MYOF: variants seen among roughly 807,000 people sequenced by gnomAD.
The protein encoded by MYOF is fer-1-like 3, myoferlin.
MYOF carries 244 observed loss-of-function variants against 284.2 expected under a neutral mutation model. That is an observed-to-expected ratio of 0.86 (90% CI 0.77 to 0.95). The LOEUF (loss-of-function observed/expected upper bound fraction) is 0.95, where lower values mean the gene tolerates loss of function less well. MYOF is among the 40% of genes least tolerant of loss of function. MYOF has a pLI of 0.00. For synonymous variants in MYOF, 904 were observed against 919.7 expected, an observed-to-expected ratio of 0.98 and a Z score of 0.31; for missense variants, 2,496 against 2,560.6, an observed-to-expected ratio of 0.97 and a Z score of 0.54.
At chr10:93,388,916 C>G in intron 18 of MYOF, 114 bp downstream of exon 18, 1 of 1,347,828 alleles carries the variant, frequency 7.4e-7, no homozygotes, top group East Asian at 2.5e-5. Context: ...TCTTTGCATT[C>G]TAAGTCTTAG....
At chr10:93,331,811 C>G (rs1266842474) in intron 43 of MYOF, among the ~76,000 whole-genome samples, 2 of 152,100 alleles carry the variant, frequency 1.3e-5, no homozygotes, top group African/African-American at 4.8e-5. Context: ...AGGAAAGAAG[C>G]ATATGGGCAA....
At chr10:93,452,307 G>A (rs190852507) in intron 2 of MYOF, among the ~76,000 whole-genome samples, 166 bp from the exon 3 acceptor site, 1 of 152,064 alleles carries the variant, frequency 6.6e-6, no homozygotes, top group Non-Finnish European at 1.5e-5. Flanking sequence ...AGGCAGCTGA[G>A]GGGGCAGGAA....
At chr10:93,408,982 T>C in intron 6 of MYOF, 67 bp from the exon 7 acceptor site, 3 of 1,598,396 alleles carry the variant, frequency 1.9e-6, no homozygotes, top group Non-Finnish European at 1.7e-6. Flanking sequence ...GATCCTCAGG[T>C]GTTGCTTCAT....
chr10:93,469,363 T>C (rs184902058), intron 1 of MYOF, among the ~76,000 whole-genome samples: 32 of 150,924 alleles, frequency 2.1e-4, no homozygotes, highest in Middle Eastern at 3.4e-3. Context: ...ATCATGCCAC[T>C]GAACTCCAGC....
At chr10:93,474,898 C>T (rs991233984) in intron 1 of MYOF, among the ~76,000 whole-genome samples, 2 of 152,110 alleles carry the variant, frequency 1.3e-5, no homozygotes, top group Admixed American at 6.6e-5. Flanking sequence ...AGGTGCCCAC[C>T]ACCATGCCTG....
chr10:93,382,307 C>T (rs966982949), intron 19 of MYOF, among the ~76,000 whole-genome samples: 1 of 151,876 alleles, frequency 6.6e-6, no homozygotes, highest in Non-Finnish European at 1.5e-5. Context: ...GGCATGATCA[C>T]GGCTTACTAC....
At chr10:93,368,775 T>C (rs955592831) in intron 25 of MYOF, among the ~76,000 whole-genome samples, 3 of 152,180 alleles carry the variant, frequency 2.0e-5, no homozygotes, top group Admixed American at 2.0e-4. Flanking sequence ...AGTTGTCAGG[T>C]ATAGCAGTGA....
chr10:93,360,542 G>A (rs1311370487), intron 28 of MYOF, among the ~76,000 whole-genome samples: 3 of 152,176 alleles, frequency 2.0e-5, no homozygotes, highest in Non-Finnish European at 2.9e-5. Context: ...TGTGTGCATC[G>A]AGATCAGTGA....
intron 5 of MYOF, among the ~76,000 whole-genome samples, chr10:93,419,478 TA>T (rs1363439413): frequency 6.6e-6 from 1 of 151,822 alleles, no homozygotes; most frequent in African/African-American, 2.4e-5. Flanking sequence ...ATGCCCTTCT[TA>T]AAAAAAAATT....
chr10:93,481,327 A>G (rs562740997), intron 1 of MYOF, among the ~76,000 whole-genome samples: 5 of 152,098 alleles, frequency 3.3e-5, no homozygotes, highest in Non-Finnish European at 7.3e-5. Context: ...TGGCCTCCCA[A>G]AGTTGGCTCA....
Position 93,379,899 on chromosome 10 carries a change from A to C in MYOF, c.1965T>G (p.Asp655Glu). Residue 655 changes from aspartate to glutamate, a missense_variant, in exon 21 of 54, where the codon GAT (aspartate) becomes GAG (glutamate). Asp to Glu is a conservative substitution (Grantham distance 45). This residue lies in a region of MYOF where 2,436 missense variants were observed against 2,480.7 expected (regional missense o/e 0.98). Coordinates refer to ENST00000359263, the MANE Select transcript of MYOF (RefSeq NM_013451.4). The stretch of plus-strand genomic sequence containing the variant: ...CCATAGCTAGGAGAGTGTTCACCGC[A>C]TCCAGGCGATGACTAATATCCTCCC... ...SYWEDISHRLDAVNTLLAMAE... is the reference protein window; with the variant it reads ...SYWEDISHRLEAVNTLLAMAE... The C allele has an allele frequency of 6.2e-7, 1 of 1,614,174 alleles. No homozygotes were observed. The highest frequency in any genetic ancestry group is 8.5e-7 in the Non-Finnish European group (1 of 1,179,996).
chr10:93,470,500 G>A (rs974145221), intron 1 of MYOF, among the ~76,000 whole-genome samples: 4 of 151,788 alleles, frequency 2.6e-5, no homozygotes, highest in East Asian at 2.0e-4. Context: ...TCCCAGGTTC[G>A]AGCCATTCTC....
At chr10:93,426,649 G>T (rs1848599937) in intron 4 of MYOF, among the ~76,000 whole-genome samples, 1 of 152,162 alleles carries the variant, frequency 6.6e-6, no homozygotes, top group South Asian at 2.1e-4. Context: ...AGCACTTTGG[G>T]AGGCCGAAGC....
chr10:93,379,979 A>C lies in MYOF; in HGVS notation c.1885T>G (p.Tyr629Asp). ...GTGTGGGCCCAAGGCAAGTAATAATAGTAGTTGCCTGGTATAAAACATTGG... is the reference window on the plus strand; with the variant it reads ...GTGTGGGCCCAAGGCAAGTAATAATCGTAGTTGCCTGGTATAAAACATTGG... The part of the protein sequence containing the change: ...YSRAVFDGNY[Y>D]YYLPWAHTKP... Residue 629 changes from tyrosine to aspartate, a missense_variant, in exon 21 of 54, where the codon TAT becomes GAT. Around this residue, in one of 3 missense-constraint regions of MYOF, gnomAD observed 2,436 missense variants for 2,480.7 expected, o/e 0.98. Coordinates refer to ENST00000359263, the MANE Select transcript of MYOF (RefSeq NM_013451.4). 1 of 1,613,684 alleles carries C rather than the reference A, an allele frequency of 6.2e-7. No homozygotes were observed.
intron 36 of MYOF, among the ~76,000 whole-genome samples, chr10:93,348,601 G>A (rs1214188100): frequency 6.6e-6 from 1 of 151,944 alleles, no homozygotes; most frequent in Non-Finnish European, 1.5e-5. Context: ...AAGGATAGGT[G>A]GAGTGGCCCA....
rs375813073 is a variant in MYOF at position 93,347,762 on chromosome 10, C to T, written c.4104G>A (p.Leu1368=). 79 of 1,612,762 alleles carry T rather than the reference C, an allele frequency of 4.9e-5. No individual in the cohort carries two copies. The South Asian group carries it at 7.4e-4, about 15-fold the overall frequency. The change falls in exon 37 of 54, where the codon TTG becomes TTA. Residue 1368 remains leucine, a synonymous_variant. Transcript: ENST00000359263. ...FMKVFLPKEE[L]YMPPLVIKVI... ...CCTTGATCACCAGTGGGGGCATGTA[C>T]AATTCCTCCTTGGGCAAGAACTGGG...
intron 3 of MYOF, among the ~76,000 whole-genome samples, chr10:93,448,196 T>TC (rs1488228154): frequency 6.6e-6 from 1 of 151,700 alleles, no homozygotes; most frequent in Admixed American, 6.6e-5. Flanking sequence ...AGAATATTCT[T>TC]CCCCCCTACT....
chr10:93,447,410 C>T (rs774392556), intron 3 of MYOF, among the ~76,000 whole-genome samples: 1 of 152,164 alleles, frequency 6.6e-6, no homozygotes, highest in East Asian at 1.9e-4. Flanking sequence ...CTCCTGGGGA[C>T]GTGCTCGGTG....
intron 37 of MYOF, among the ~76,000 whole-genome samples, chr10:93,344,595 G>A (rs1844087057): frequency 6.6e-6 from 1 of 151,902 alleles, no homozygotes; most frequent in Non-Finnish European, 1.5e-5. Flanking sequence ...GGGAAAGGAG[G>A]GGTGAGAGGC....
Sources: gnomAD v4.1 joint callset for allele counts (sites outside exome capture counted in the v4.1 genomes callset) on GRCh38, gnomAD v4.1.1 for gene constraint, gnomAD v4.1.1 regional missense constraint, MANE v1.5 for transcripts, NCBI Gene and HGNC (gene_info 2026-07-23, HGNC 2026-07-21) for gene names.